Variants in ERC2 observed in about 807,000 individuals in gnomAD.
ERC2 encodes the protein ERC protein 2.
A neutral mutation model predicts 114.8 loss-of-function variants in ERC2; 42 were observed. The observed-to-expected ratio is 0.37, with a 90% CI of 0.29 to 0.47. The LOEUF is 0.47. Among genes scored for constraint, ERC2 ranks in the 20% least tolerant of loss-of-function variants. The pLI is 0.99. For missense variants in ERC2, 939 were observed against 1,150.7 expected (o/e 0.82, Z 2.66); for synonymous variants, 454 against 425.5 (o/e 1.07, Z -0.82).
chr3:56,372,614 G>A (rs575914838), intron 2 of ERC2, among the ~76,000 whole-genome samples: 166 of 152,132 alleles, frequency 1.1e-3, no homozygotes, highest in African/African-American at 3.4e-3. Flanking sequence ...GTTGTCCCCC[G>A]CTACTCAGGA....
intron 17 of ERC2, among the ~76,000 whole-genome samples, chr3:55,636,379 T>C (rs2059958434): frequency 6.6e-6 from 1 of 152,046 alleles, no homozygotes; most frequent in African/African-American, 2.4e-5. Flanking sequence ...GGGAAATCAT[T>C]CACGTTCCCT....
At chr3:56,342,285 CA>C (rs2058118355) in intron 2 of ERC2, among the ~76,000 whole-genome samples, 1 of 152,210 alleles carries the variant, frequency 6.6e-6, no homozygotes, top group Non-Finnish European at 1.5e-5. Flanking sequence ...TAAATTCATA[CA>C]ATGAAATACT....
At chr3:55,572,111 A>T (rs1208206327) in intron 17 of ERC2, among the ~76,000 whole-genome samples, 2 of 152,196 alleles carry the variant, frequency 1.3e-5, no homozygotes, top group Non-Finnish European at 2.9e-5. Flanking sequence ...GTGAAGGGGC[A>T]TTTCCTGGCT....
chr3:56,421,457 G>A (rs1323979828), intron 2 of ERC2, among the ~76,000 whole-genome samples: 1 of 152,174 alleles, frequency 6.6e-6, no homozygotes, highest in Non-Finnish European at 1.5e-5. Flanking sequence ...GGCCACAGCT[G>A]ACTGGACCTA....
intron 14 of ERC2, among the ~76,000 whole-genome samples, chr3:55,765,185 T>G (rs779443436): frequency 6.6e-6 from 1 of 152,194 alleles, no homozygotes; most frequent in Non-Finnish European, 1.5e-5. Flanking sequence ...ATTCCTAAGA[T>G]AGAGAATTCA....
intron 8 of ERC2, among the ~76,000 whole-genome samples, chr3:56,013,509 G>A (rs2073101187): frequency 6.6e-6 from 1 of 152,166 alleles, no homozygotes; most frequent in South Asian, 2.1e-4. Context: ...ATAGTCCAGA[G>A]GAGGCAGCAA....
chr3:56,159,234 A>T (rs1310985901), intron 4 of ERC2, among the ~76,000 whole-genome samples: 1 of 152,104 alleles, frequency 6.6e-6, no homozygotes, highest in African/African-American at 2.4e-5. Flanking sequence ...CAGCCTGCAA[A>T]ACTGTGAGCC....
chr3:55,686,260 G>T (rs2062326128), intron 16 of ERC2, among the ~76,000 whole-genome samples: 1 of 152,152 alleles, frequency 6.6e-6, no homozygotes, highest in Non-Finnish European at 1.5e-5. Context: ...TGTAAACTTT[G>T]CTAACATTTA....
chr3:56,038,146 A>G (rs2074921577), intron 7 of ERC2, among the ~76,000 whole-genome samples: 1 of 152,194 alleles, frequency 6.6e-6, no homozygotes, highest in South Asian at 2.1e-4. Flanking sequence ...CAAACAGACA[A>G]CCTAAAGAAT....
chr3:56,337,196 C>T (rs1189329864), intron 2 of ERC2, among the ~76,000 whole-genome samples: 6 of 152,166 alleles, frequency 3.9e-5, no homozygotes, highest in Non-Finnish European at 8.8e-5. Context: ...TATGTTTCTT[C>T]CTTCTGGAAA....
chr3:56,146,074 A>G (rs1175536758), intron 5 of ERC2, among the ~76,000 whole-genome samples: 3 of 151,932 alleles, frequency 2.0e-5, no homozygotes, highest in African/African-American at 7.3e-5. Context: ...ATCACTTGAG[A>G]TCAGGAGTTT....
At chr3:56,428,869 T>C (rs2061679167) in intron 2 of ERC2, among the ~76,000 whole-genome samples, 1 of 152,232 alleles carries the variant, frequency 6.6e-6, no homozygotes, top group Non-Finnish European at 1.5e-5. Context: ...CTTGTCCCAC[T>C]TCTGCACACG....
intron 14 of ERC2, among the ~76,000 whole-genome samples, chr3:55,777,037 C>G (rs1481878841): frequency 6.6e-6 from 1 of 152,006 alleles, no homozygotes; most frequent in Non-Finnish European, 1.5e-5. Context: ...TCTCCCTCCT[C>G]TCTTTCTCCT....
chr3:56,370,553 T>C (rs1164923812), intron 2 of ERC2, among the ~76,000 whole-genome samples: 1 of 152,018 alleles, frequency 6.6e-6, no homozygotes, highest in African/African-American at 2.4e-5. Flanking sequence ...CTGATTTGTT[T>C]GTTTGTTTGT....
intron 2 of ERC2, among the ~76,000 whole-genome samples, chr3:56,420,789 G>T (rs2061358766): frequency 6.6e-6 from 1 of 151,780 alleles, no homozygotes. Flanking sequence ...GGCTACTCGG[G>T]AGGCTGATGC....
At chr3:55,659,443 C>T (rs998371564) in intron 17 of ERC2, 1 of 152,316 alleles carries the variant, frequency 6.6e-6, no homozygotes, top group Non-Finnish European at 1.5e-5. Flanking sequence ...CCTCAGATAG[C>T]TCTGGAATCC....
At chr3:56,393,524 T>C (rs1274993039) in intron 2 of ERC2, among the ~76,000 whole-genome samples, 1 of 152,204 alleles carries the variant, frequency 6.6e-6, no homozygotes, top group Non-Finnish European at 1.5e-5. Context: ...TTCCAAACCA[T>C]GTAACACAAT....
intron 17 of ERC2, among the ~76,000 whole-genome samples, chr3:55,549,930 AAGAGAGAGAGAG>A (rs372694701): frequency 1.1e-5 from 1 of 94,050 alleles, no homozygotes; most frequent in African/African-American, 4.2e-5. Flanking sequence ...CGACACACAC[AAGAGAGAGAGAG>A]AGAGAGAGAG....
At chr3:55,595,358 C>T (rs1259390161) in intron 17 of ERC2, among the ~76,000 whole-genome samples, 1 of 152,244 alleles carries the variant, frequency 6.6e-6, no homozygotes, top group Non-Finnish European at 1.5e-5. Context: ...TCCTAATGGA[C>T]TTTGCAGGAC....
Sources: allele counts gnomAD v4.1 joint callset (sites outside exome capture counted in the v4.1 genomes callset), GRCh38; gene constraint gnomAD v4.1.1; transcripts MANE v1.5; gene names NCBI Gene and HGNC (gene_info 2026-07-23, HGNC 2026-07-21).